ARHGAP6: variants seen among roughly 807,000 people sequenced by gnomAD.
ARHGAP6 encodes the protein Rho GTPase activating protein 6, also known as rho GTPase-activating protein 6.
ARHGAP6 carries 16 observed loss-of-function variants against 55.7 expected under a neutral mutation model. The ratio of observed to expected loss-of-function variants is 0.29; its 90% CI spans 0.19 to 0.44. The LOEUF is 0.44. ARHGAP6 is among the 20% of genes least tolerant of loss of function. The pLI, the probability that ARHGAP6 is intolerant of heterozygous loss-of-function variation, is 1.00. For synonymous variants in ARHGAP6, 382 were observed against 360.9 expected, an observed-to-expected ratio of 1.06 and a Z score of -0.66; for missense variants, 698 against 808.9, an observed-to-expected ratio of 0.86 and a Z score of 1.66.
intron 2 of ARHGAP6, among the ~76,000 whole-genome samples, chrX:11,216,079 G>A (rs777230791): frequency 9.0e-6 from 1 of 110,752 alleles, no homozygotes; most frequent in African/African-American, 3.3e-5. Flanking sequence ...CTGTAAAATG[G>A]TCAGGGTCCC....
chrX:11,557,910 G>A (rs746472742), intron 1 of ARHGAP6, among the ~76,000 whole-genome samples: 9 of 111,853 alleles, frequency 8.0e-5, no homozygotes, highest in African/African-American at 2.9e-4. Flanking sequence ...ATATATGTAT[G>A]AGAAGTAACT....
At chrX:11,168,130 G>A (rs1232132720) in intron 9 of ARHGAP6, among the ~76,000 whole-genome samples, 2 of 111,679 alleles carry the variant, frequency 1.8e-5, no homozygotes, top group Non-Finnish European at 3.8e-5. Flanking sequence ...GGGGTTGCCC[G>A]TAAAACTCTA....
intron 1 of ARHGAP6, among the ~76,000 whole-genome samples, chrX:11,505,389 C>CA (rs1445317877): frequency 9.0e-6 from 1 of 110,923 alleles, no homozygotes; most frequent in African/African-American, 3.3e-5. Flanking sequence ...ATTAAAAAGA[C>CA]AAAAAATACC....
chrX:11,176,055 T>C (rs1229329422), intron 8 of ARHGAP6, among the ~76,000 whole-genome samples: 5 of 101,560 alleles, frequency 4.9e-5, no homozygotes, highest in Non-Finnish European at 9.9e-5. Context: ...CTCCAGTGAC[T>C]ATGGGGTCCA....
intron 8 of ARHGAP6, among the ~76,000 whole-genome samples, chrX:11,172,386 A>T (rs773298995): frequency 9.0e-6 from 1 of 111,340 alleles, no homozygotes; most frequent in Non-Finnish European, 1.9e-5. Flanking sequence ...CTTTTCCTGG[A>T]AATTCATGGT....
chrX:11,653,977 C>A (rs2052612805), intron 1 of ARHGAP6, among the ~76,000 whole-genome samples: 1 of 111,640 alleles, frequency 9.0e-6, no homozygotes, highest in African/African-American at 3.2e-5. Context: ...CCATCATCAT[C>A]ATCCTCACCC....
At chrX:11,307,943 CTG>C (rs1326204971) in intron 1 of ARHGAP6, among the ~76,000 whole-genome samples, 3 of 112,555 alleles carry the variant, frequency 2.7e-5, no homozygotes, top group Non-Finnish European at 3.7e-5. Context: ...ACTTAACAAA[CTG>C]TAAATAATCA....
chrX:11,374,809 G>A (rs1158988029), intron 1 of ARHGAP6, among the ~76,000 whole-genome samples: 1 of 111,689 alleles, frequency 9.0e-6, no homozygotes, highest in African/African-American at 3.3e-5. Flanking sequence ...GTTAACAATG[G>A]TTGACTCATC....
chrX:11,537,836 G>T (rs1172608735), intron 1 of ARHGAP6, among the ~76,000 whole-genome samples: 1 of 111,509 alleles, frequency 9.0e-6, no homozygotes, highest in Non-Finnish European at 1.9e-5. Flanking sequence ...TGCACACCAT[G>T]TGGTCTCTGG....
chrX:11,264,288 G>C (rs1254087237), intron 1 of ARHGAP6, among the ~76,000 whole-genome samples: 4 of 111,518 alleles, frequency 3.6e-5, no homozygotes, highest in Admixed American at 1.9e-4. Context: ...GCATGAAATA[G>C]AAGTGGTTAT....
intron 1 of ARHGAP6, among the ~76,000 whole-genome samples, chrX:11,278,834 C>A (rs1313246229): frequency 9.0e-6 from 1 of 110,894 alleles, no homozygotes; most frequent in Non-Finnish European, 1.9e-5. Flanking sequence ...ATAATCTCAC[C>A]TCCTTCTATT....
At chrX:11,363,875 G>T (rs920648368) in intron 1 of ARHGAP6, among the ~76,000 whole-genome samples, 14 of 112,018 alleles carry the variant, frequency 1.2e-4, no homozygotes, top group Non-Finnish European at 3.8e-5. Flanking sequence ...AATATAAATT[G>T]TTCTATCATA....
At chrX:11,548,065 C>T (rs754154312) in intron 1 of ARHGAP6, among the ~76,000 whole-genome samples, 7 of 111,462 alleles carry the variant, frequency 6.3e-5, no homozygotes, top group Non-Finnish European at 1.3e-4. Context: ...GGGGACCACC[C>T]CCAGAGATTT....
intron 1 of ARHGAP6, among the ~76,000 whole-genome samples, chrX:11,448,474 T>C (rs957885970): frequency 8.9e-6 from 1 of 111,915 alleles, no homozygotes; most frequent in Non-Finnish European, 1.9e-5. Context: ...ATCAGTCCAT[T>C]GCATTCCTTC....
At position 11,317,108 on chromosome X, in the gene ARHGAP6, A is replaced by G. The variant is rs538938220; in HGVS notation, c.589-62401T>C. 9.8e-5 allele frequency among the ~76,000 whole-genome samples: 11 copies of G among 112,600 alleles called. No individual in the cohort carries two copies. The East Asian group carries it at 2.8e-3, about 28-fold the overall frequency. On this transcript the variant is annotated intron_variant, in intron 1 of 12. Transcript: ENST00000337414. ...ACCCAGGCCTAAAGCCTTTTGTACTATAGGCACCAGCATGTGAGGGAAATG... is the reference window on the plus strand; with the variant it reads ...ACCCAGGCCTAAAGCCTTTTGTACTGTAGGCACCAGCATGTGAGGGAAATG...
At chrX:11,213,123 C>A (rs1289864361) in intron 2 of ARHGAP6, among the ~76,000 whole-genome samples, 1 of 112,696 alleles carries the variant, frequency 8.9e-6, no homozygotes, top group Non-Finnish European at 1.9e-5. Flanking sequence ...GGAATCCTGT[C>A]CTGAGGAATG....
chrX:11,544,836 T>C (rs2051196274), intron 1 of ARHGAP6, among the ~76,000 whole-genome samples: 1 of 112,694 alleles, frequency 8.9e-6, no homozygotes, highest in African/African-American at 3.2e-5. Flanking sequence ...AAATATTTTA[T>C]GCTAGACTTA....
intron 1 of ARHGAP6, among the ~76,000 whole-genome samples, chrX:11,325,727 A>C (rs2048489121): frequency 8.9e-6 from 1 of 112,556 alleles, no homozygotes; most frequent in Non-Finnish European, 1.9e-5. Flanking sequence ...CTTATTTTTA[A>C]AAGTAGTTAT....
chrX:11,314,795 G>A (rs2048338751), intron 1 of ARHGAP6, among the ~76,000 whole-genome samples: 1 of 111,824 alleles, frequency 8.9e-6, no homozygotes, highest in Non-Finnish European at 1.9e-5. Context: ...AGAAGGTAGA[G>A]GGTGGGAGGA....
Sources: gnomAD v4.1 joint callset for allele counts (sites outside exome capture counted in the v4.1 genomes callset) on GRCh38, gnomAD v4.1.1 for gene constraint, MANE v1.5 for transcripts, NCBI Gene and HGNC (gene_info 2026-07-23, HGNC 2026-07-21) for gene names.